DTNA: variants seen among roughly 807,000 people sequenced by gnomAD.
The protein encoded by DTNA is dystrophin-related protein 3.
Under a neutral mutation model 100.7 loss-of-function variants are expected in DTNA, and 43 were observed. The observed-to-expected ratio is 0.43, with a 90% CI of 0.33 to 0.55. The LOEUF is 0.55. Among genes scored for constraint, DTNA ranks in the 20% least tolerant of loss-of-function variants. The probability of loss-of-function intolerance (pLI) is 0.04; values close to 1 mark genes in which losing one functional copy is unlikely to be tolerated. For missense variants in DTNA, 798 were observed against 953.9 expected, an observed-to-expected ratio of 0.84 and a Z score of 2.15; for synonymous variants, 349 against 347.9, an observed-to-expected ratio of 1.00 and a Z score of -0.04.
At chr18:34,854,847 C>A (rs1262999789) in intron 15 of DTNA, among the ~76,000 whole-genome samples, 1 of 152,140 alleles carries the variant, frequency 6.6e-6, no homozygotes, top group East Asian at 1.9e-4. Context: ...AGAATAAGGA[C>A]AACTTTAAAA....
intron 1 of DTNA, among the ~76,000 whole-genome samples, chr18:34,747,632 T>C (rs2091816024): frequency 6.6e-6 from 1 of 152,192 alleles, no homozygotes; most frequent in Non-Finnish European, 1.5e-5. Context: ...CTAAAAATAA[T>C]GGCCTCCAGC....
intron 1 of DTNA, among the ~76,000 whole-genome samples, chr18:34,522,329 G>A (rs2145247831): frequency 6.6e-6 from 1 of 152,212 alleles, no homozygotes; most frequent in East Asian, 1.9e-4. Context: ...ATGCTATATT[G>A]GGTCAACAGT....
At chr18:34,538,877 T>C (rs970678064) in intron 1 of DTNA, among the ~76,000 whole-genome samples, 4 of 151,944 alleles carry the variant, frequency 2.6e-5, no homozygotes, top group African/African-American at 9.7e-5. Flanking sequence ...AAAAGCAGAA[T>C]CCACACAGGA....
At chr18:34,638,097 A>G (rs894532334) in intron 1 of DTNA, among the ~76,000 whole-genome samples, 1 of 152,194 alleles carries the variant, frequency 6.6e-6, no homozygotes, top group Admixed American at 6.5e-5. Flanking sequence ...AAATGAAGTA[A>G]TGGATACGGA....
chr18:34,749,255 C>A (rs1448446673), intron 1 of DTNA, among the ~76,000 whole-genome samples: 1 of 152,052 alleles, frequency 6.6e-6, no homozygotes, highest in Non-Finnish European at 1.5e-5. Context: ...GCAGTCACAT[C>A]ATCAGTGAAG....
chr18:34,727,463 G>A (rs932192610), intron 1 of DTNA, among the ~76,000 whole-genome samples: 2 of 152,056 alleles, frequency 1.3e-5, no homozygotes, highest in Non-Finnish European at 2.9e-5. Context: ...TCACAGTATT[G>A]TGAAAACAAA....
chr18:34,801,802 C>G (rs2095224568), intron 4 of DTNA, among the ~76,000 whole-genome samples: 1 of 152,118 alleles, frequency 6.6e-6, no homozygotes, highest in East Asian at 1.9e-4. Flanking sequence ...AGCCATCACC[C>G]CTGGCCAATT....
intron 16 of DTNA, among the ~76,000 whole-genome samples, chr18:34,859,251 G>A (rs2096588289): frequency 6.6e-6 from 1 of 152,140 alleles, no homozygotes; most frequent in Non-Finnish European, 1.5e-5. Flanking sequence ...CCAGGGTCTT[G>A]GCATTTTGAA....
chr18:34,545,822 T>G (rs535090965), intron 1 of DTNA, among the ~76,000 whole-genome samples: 3 of 152,212 alleles, frequency 2.0e-5, no homozygotes, highest in South Asian at 2.1e-4. Context: ...CTTTTTCAGG[T>G]AAGAGAAAAT....
intron 17 of DTNA, chr18:34,867,722 A>C: frequency 1.0e-6 from 1 of 985,650 alleles, no homozygotes; most frequent in South Asian, 4.7e-5. Context: ...GGATCTTGAA[A>C]GGCTCCTATG....
Position 34,794,246 on chromosome 18 carries a change from G to C in DTNA, c.358G>C (p.Asp120His), listed in dbSNP as rs1401291574. 1.2e-6 allele frequency: 2 copies of C among 1,613,774 alleles called. No homozygotes were observed. Among genetic ancestry groups the C allele is most frequent in the Non-Finnish European group, 1.7e-6 (2 of 1,179,904 alleles). Reference protein sequence around the residue: ...LLLNFLLAAFDPEGHGKISVF... With the variant: ...LLLNFLLAAFHPEGHGKISVF... ...CCTTAACTTCCTGCTTGCAGCGTTT[G>C]ATCCGTAAGCACCCTCTGAATGTCT... The change falls in exon 4 of 23, where the codon GAT becomes CAT. Residue 120 changes from aspartate (D) to histidine (H), a missense_variant. Transcript: ENST00000444659.
intron 10 of DTNA, 32 bp downstream of exon 10, chr18:34,827,708 T>G (rs1238091008): frequency 6.3e-7 from 1 of 1,599,244 alleles, no homozygotes; most frequent in Admixed American, 1.7e-5. Flanking sequence ...AAATAAGCCC[T>G]TTCTTTGGTA....
At chr18:34,853,161 G>A (rs1172345139) in intron 15 of DTNA, among the ~76,000 whole-genome samples, 1 of 152,152 alleles carries the variant, frequency 6.6e-6, no homozygotes, top group Non-Finnish European at 1.5e-5. Flanking sequence ...CGGTGCAAAT[G>A]TAATTGTGGT....
At chr18:34,864,906 T>C (rs1390997703) in intron 17 of DTNA, among the ~76,000 whole-genome samples, 1 of 152,232 alleles carries the variant, frequency 6.6e-6, no homozygotes, top group Non-Finnish European at 1.5e-5. Context: ...ATTTTTCTCA[T>C]TGGGAAGTGG....
At chr18:34,655,154 C>T (rs189933365) in intron 1 of DTNA, among the ~76,000 whole-genome samples, 43 of 152,222 alleles carry the variant, frequency 2.8e-4, no homozygotes, top group Non-Finnish European at 5.9e-4. Flanking sequence ...TGTAAACCCC[C>T]GTTTAAGTAG....
At chr18:34,601,232 T>C (rs1367184551) in intron 1 of DTNA, among the ~76,000 whole-genome samples, 1 of 152,206 alleles carries the variant, frequency 6.6e-6, no homozygotes, top group Non-Finnish European at 1.5e-5. Flanking sequence ...GTGGTCATAT[T>C]TATATCTTTA....
chr18:34,758,280 A>C (rs1482128769), intron 2 of DTNA, among the ~76,000 whole-genome samples: 5 of 152,216 alleles, frequency 3.3e-5, no homozygotes, highest in Non-Finnish European at 5.9e-5. Flanking sequence ...AAATCTTCTC[A>C]TCTAAGTATT....
chr18:34,506,470 G>A (rs1030200204), intron 1 of DTNA, among the ~76,000 whole-genome samples: 2 of 152,210 alleles, frequency 1.3e-5, no homozygotes, highest in Non-Finnish European at 2.9e-5. Flanking sequence ...TGGCAAGGAT[G>A]GAAGTGTAGG....
At chr18:34,857,573 A>G (rs574546019) in intron 15 of DTNA, among the ~76,000 whole-genome samples, 1 of 152,178 alleles carries the variant, frequency 6.6e-6, no homozygotes, top group South Asian at 2.1e-4. Context: ...TCAATAGTTG[A>G]CTGACACATC....
Sources: allele counts gnomAD v4.1 joint callset (sites outside exome capture counted in the v4.1 genomes callset), GRCh38; gene constraint gnomAD v4.1.1; transcripts MANE v1.5; gene names NCBI Gene and HGNC (gene_info 2026-07-23, HGNC 2026-07-21).